Variants in DNER observed in about 807,000 individuals in gnomAD.
The protein encoded by DNER is delta/notch like EGF repeat containing.
DNER carries 33 observed loss-of-function variants against 78.2 expected under a neutral mutation model. That is an observed-to-expected ratio of 0.42 (90% confidence interval 0.32 to 0.56). The LOEUF is 0.56. DNER is among the 20% of genes least tolerant of loss of function. The pLI is 0.11. For missense variants in DNER, 918 were observed against 975.3 expected (o/e 0.94, Z 0.78); for synonymous variants, 417 against 384.8 (o/e 1.08, Z -0.98).
intron 8 of DNER, among the ~76,000 whole-genome samples, chr2:229,442,508 C>CT (rs1027967633): frequency 6.1e-5 from 6 of 98,622 alleles, no homozygotes; most frequent in African/African-American, 4.1e-4. Flanking sequence ...GAGCAACGCT[C>CT]TGTCTTAAAA....
intron 10 of DNER, among the ~76,000 whole-genome samples, chr2:229,392,267 A>AAAT (rs34200915): frequency 0.12 from 17,841 of 149,024 alleles, 1,748 homozygotes; most frequent in East Asian, 0.51. Flanking sequence ...CAACTAGATG[A>AAAT]AATATATGAA....
At chr2:229,603,998 C>T (rs149279420) in intron 1 of DNER, among the ~76,000 whole-genome samples, 6 of 152,040 alleles carry the variant, frequency 3.9e-5, no homozygotes, top group African/African-American at 1.5e-4. Flanking sequence ...CCTCCAGCAC[C>T]GCGGCCACAT....
chr2:229,463,631 G>A (rs550950787), intron 7 of DNER, among the ~76,000 whole-genome samples: 2 of 152,190 alleles, frequency 1.3e-5, no homozygotes, highest in South Asian at 4.1e-4. Context: ...ATGGAAATGT[G>A]ATCTCCCTAT....
chr2:229,447,426 C>A lies in DNER; in HGVS notation c.1376G>T (p.Gly459Val). ...GVHFTCNCSP[G>V]FTGPTCAQLI... ...CTGGGCACAGGTCGGCCCTGTGAAG[C>A]CCGGGCTGCAGTTGCAGGTAAAGTG... The change falls in exon 8 of 13, where the codon GGC (glycine) becomes GTC (valine). Residue 459 changes from glycine (G) to valine (V), a missense_variant. Gly to Val is a moderately radical substitution (Grantham distance 109). Transcript: ENST00000341772. 2.5e-6 allele frequency: 4 copies of A among 1,614,058 alleles called. No individual in the cohort carries two copies. The highest frequency in any genetic ancestry group is 1.3e-5 in the African/African-American group (1 of 75,030).
intron 8 of DNER, among the ~76,000 whole-genome samples, chr2:229,425,263 G>C (rs557434308): frequency 1.3e-5 from 2 of 152,214 alleles, no homozygotes; most frequent in South Asian, 2.1e-4. Context: ...AACCTGCCTG[G>C]TGATTTTTGA....
intron 1 of DNER, among the ~76,000 whole-genome samples, chr2:229,610,335 C>T (rs148829157): frequency 1.3e-5 from 2 of 152,248 alleles, no homozygotes; most frequent in Admixed American, 6.5e-5. Flanking sequence ...TAGAAGAGAA[C>T]GGTTTCCTGG....
At chr2:229,368,908 C>T (rs1692412510) in intron 11 of DNER, among the ~76,000 whole-genome samples, 1 of 152,112 alleles carries the variant, frequency 6.6e-6, no homozygotes, top group Admixed American at 6.5e-5. Context: ...GAGTCTTTTC[C>T]AGATTTTTAA....
intron 1 of DNER, among the ~76,000 whole-genome samples, chr2:229,592,344 C>A (rs1382863064): frequency 1.3e-5 from 2 of 152,190 alleles, no homozygotes; most frequent in African/African-American, 4.8e-5. Flanking sequence ...ATCTGCCCTG[C>A]AGATGTGCTT....
intron 1 of DNER, among the ~76,000 whole-genome samples, chr2:229,687,990 A>G (rs772416579): frequency 1.3e-5 from 2 of 152,214 alleles, no homozygotes; most frequent in Non-Finnish European, 2.9e-5. Context: ...GTGGCATAGA[A>G]TCTATGCCAA....
intron 11 of DNER, among the ~76,000 whole-genome samples, chr2:229,375,221 G>T (rs925845925): frequency 1.3e-5 from 2 of 152,128 alleles, no homozygotes. Flanking sequence ...TGTTCAAAGA[G>T]AAAGACAGCT....
Position 229,366,860 on chromosome 2 carries a change from C to T in DNER, c.2102+13G>A. The T allele has an allele frequency of 6.2e-7, 1 of 1,613,832 alleles. No individual in the cohort carries two copies. Among genetic ancestry groups the T allele is most frequent in the Non-Finnish European group, 8.5e-7 (1 of 1,179,922 alleles). ...GTGAAGGCAGCATTCCCCACGCCGCCCCCACAGCCAACCTGGCATGCCGGA... is the reference window on the plus strand; with the variant it reads ...GTGAAGGCAGCATTCCCCACGCCGCTCCCACAGCCAACCTGGCATGCCGGA... On this transcript the variant is annotated intron_variant, in intron 12 of 12. Coordinates refer to ENST00000341772, the MANE Select transcript of DNER (RefSeq NM_139072.4).
chr2:229,586,695 T>G, intron 3 of DNER: 3 of 985,352 alleles, frequency 3.0e-6, no homozygotes, highest in Non-Finnish European at 3.6e-6. Flanking sequence ...CTTTCTCACC[T>G]CCCAAGCTTT....
intron 5 of DNER, among the ~76,000 whole-genome samples, chr2:229,530,220 T>A (rs554001468): frequency 6.6e-6 from 1 of 152,352 alleles, no homozygotes; most frequent in South Asian, 2.1e-4. Flanking sequence ...AGGTACTTAT[T>A]CTGTTCATAT....
At chr2:229,571,106 G>T (rs1031118302) in intron 4 of DNER, among the ~76,000 whole-genome samples, 2 of 152,128 alleles carry the variant, frequency 1.3e-5, no homozygotes, top group Admixed American at 1.3e-4. Flanking sequence ...GAGAGGCTGG[G>T]GGTTGGGCCA....
At chr2:229,374,203 A>C (rs1261487064) in intron 11 of DNER, among the ~76,000 whole-genome samples, 1 of 152,048 alleles carries the variant, frequency 6.6e-6, no homozygotes, top group Non-Finnish European at 1.5e-5. Context: ...GTACTTGTGG[A>C]TATAGAGGCC....
chr2:229,454,034 A>G (rs1367077582), intron 7 of DNER, among the ~76,000 whole-genome samples: 1 of 152,050 alleles, frequency 6.6e-6, no homozygotes, highest in African/African-American at 2.4e-5. Flanking sequence ...TGTAAATCAC[A>G]TGCACAAGCC....
At chr2:229,582,340 C>A (rs1017088835) in intron 4 of DNER, among the ~76,000 whole-genome samples, 1 of 152,092 alleles carries the variant, frequency 6.6e-6, no homozygotes, top group Non-Finnish European at 1.5e-5. Context: ...AAGCAGCTGG[C>A]GGTGTGGAGG....
intron 1 of DNER, among the ~76,000 whole-genome samples, chr2:229,613,894 T>A (rs1268866848): frequency 2.6e-5 from 4 of 151,802 alleles, no homozygotes; most frequent in Admixed American, 6.6e-5. Context: ...CTTTTTTTTT[T>A]AAACCATCAT....
intron 1 of DNER, among the ~76,000 whole-genome samples, chr2:229,670,580 A>G (rs1699190345): frequency 6.6e-6 from 1 of 152,248 alleles, no homozygotes; most frequent in African/African-American, 2.4e-5. Context: ...AGCCACTCAC[A>G]TCTAAATAAA....
Sources: allele counts gnomAD v4.1 joint callset (sites outside exome capture counted in the v4.1 genomes callset), GRCh38; gene constraint gnomAD v4.1.1; transcripts MANE v1.5; gene names NCBI Gene and HGNC (gene_info 2026-07-23, HGNC 2026-07-21).